IL17RB: variants seen among roughly 807,000 people sequenced by gnomAD.
The protein encoded by IL17RB is interleukin-17 receptor B.
Under a neutral mutation model 43.9 loss-of-function variants are expected in IL17RB, and 36 were observed. That is an observed-to-expected ratio of 0.82 (90% CI 0.63 to 1.08). IL17RB has a LOEUF of 1.08. Among genes scored for constraint, IL17RB ranks in the 50% least tolerant of loss-of-function variants. IL17RB has a pLI of 0.00. For missense variants in IL17RB, 613 were observed against 613.6 expected (o/e 1.00, Z 0.01); for synonymous variants, 225 against 225.4 (o/e 1.00, Z 0.02).
Position 53,855,299 on chromosome 3 carries a change from C to G in IL17RB, c.487C>G (p.Leu163Val). 1 of 1,606,370 alleles carries G rather than the reference C, an allele frequency of 6.2e-7. No individual in the cohort carries two copies. The highest frequency in any genetic ancestry group is 8.5e-7 in the Non-Finnish European group (1 of 1,174,370). Residue 163 changes from leucine to valine, a missense_variant, in exon 6 of 11, where the codon CTA becomes GTA. By Grantham distance (32) the Leu-to-Val change is conservative. Transcript: ENST00000288167. Reference protein sequence around the residue: ...MSVNFTSPGCLDHIMKYKKKC... With the variant: ...MSVNFTSPGCVDHIMKYKKKC... ...ACTTTCATTCAAATTTCCAGGCTGCCTAGACCACATAATGAAATATAAAAA... is the reference window on the plus strand; with the variant it reads ...ACTTTCATTCAAATTTCCAGGCTGCGTAGACCACATAATGAAATATAAAAA...
rs778571422 is a variant in IL17RB at position 53,860,170 on chromosome 3, G to C, written c.888G>C (p.Leu296=). Residue 296 remains leucine, a synonymous_variant, in exon 10 of 11, where the codon CTG becomes CTC. Transcript: ENST00000288167. ...KPGGWLPLLL[L]SLLVATWVLV... ...GAGGCTGGCTGCCTCTCCTCCTGCT[G>C]TCTCTGCTGGTGGCCACATGGGTGC... is the stretch of plus-strand genomic sequence containing the variant. The C allele has an allele frequency of 6.2e-7, 1 of 1,614,144 alleles. No homozygotes were observed. The highest frequency in any genetic ancestry group is 1.7e-5 in the Admixed American group (1 of 60,036).
At chr3:53,855,221 T>C in intron 5 of IL17RB, 73 bp from the exon 6 acceptor site, 2 of 924,292 alleles carry the variant, frequency 2.2e-6, no homozygotes, top group Non-Finnish European at 3.5e-6. Flanking sequence ...CGTATGTGTG[T>C]GTGCACTTGG....
chr3:53,865,253 A>G lies in IL17RB; in HGVS notation c.1454A>G (p.Gln485Arg). Residue 485 changes from glutamine (Q) to arginine (R), a missense_variant, in exon 11 of 11, where the codon CAG (glutamine) becomes CGG (arginine). Coordinates refer to ENST00000288167, the MANE Select transcript of IL17RB (RefSeq NM_018725.4). ...GCAGAACTTCTCCATGTCAAGCAGC[A>G]GGTGTCAGCAGGAAAAAGATCACAA... Reference protein sequence around the residue: ...FCAELLHVKQQVSAGKRSQAC... With the variant: ...FCAELLHVKQRVSAGKRSQAC... 1 of 1,612,006 alleles carries G rather than the reference A, an allele frequency of 6.2e-7. No individual in the cohort carries two copies. The highest frequency in any genetic ancestry group is 1.3e-5 in the African/African-American group (1 of 75,040).
chr3:53,852,815 A>T, intron 4 of IL17RB, 56 bp from the exon 5 acceptor site: 22 of 1,569,904 alleles, frequency 1.4e-5, no homozygotes, highest in Non-Finnish European at 8.7e-7. Flanking sequence ...ACTAAGGTAT[A>T]CTGTTTCTGT....
intron 4 of IL17RB, 48 bp from the exon 5 acceptor site, chr3:53,852,823 T>A (rs1699198907): frequency 1.9e-6 from 3 of 1,593,848 alleles, no homozygotes; most frequent in African/African-American, 2.7e-5. Flanking sequence ...ATACTGTTTC[T>A]GTACTGCAGT....
intron 5 of IL17RB, 123 bp from the exon 6 acceptor site, chr3:53,855,171 C>A: frequency 3.1e-4 from 100 of 318,994 alleles, no homozygotes; most frequent in East Asian, 4.7e-4. Context: ...TGCCATCTTA[C>A]ATCTGGAATG....
chr3:53,864,835 C>G lies in IL17RB; in HGVS notation c.1036C>G (p.His346Asp), dbSNP rs143902339. Residue 346 changes from histidine to aspartate, a missense_variant, in exon 11 of 11, where the codon CAC becomes GAC. Physicochemically the swap from His to Asp is moderately conservative, Grantham distance 81. Transcript: ENST00000288167. The part of the protein sequence containing the change: ...VVYPSEICFH[H>D]TICYFTEFLQ... ...TTACCCATCTGAAATATGTTTCCAT[C>G]ACACAATTTGTTACTTCACTGAATT... is the stretch of plus-strand genomic sequence containing the variant. 3 of 1,614,002 alleles carry G rather than the reference C, an allele frequency of 1.9e-6. No individual in the cohort carries two copies. The highest frequency in any genetic ancestry group is 2.5e-6 in the Non-Finnish European group (3 of 1,179,952).
chr3:53,858,431 A>G (rs1349651658), intron 8 of IL17RB: 1 of 1,168,626 alleles, frequency 8.6e-7, no homozygotes. Context: ...ATGTTTGTCT[A>G]CGTGGTAAGA....
At chr3:53,852,221 G>A (rs538471064) in intron 4 of IL17RB, 95 bp downstream of exon 4, 109 of 1,113,512 alleles carry the variant, frequency 9.8e-5, no homozygotes, top group South Asian at 2.2e-4. Context: ...GGCTCACTGC[G>A]ACCTCAATCT....
At position 53,860,185 on chromosome 3, in the gene IL17RB, C is replaced by T. The variant is rs1428756625; in HGVS notation, c.903C>T (p.Ala301=). 3 of 1,613,986 alleles carry T rather than the reference C, an allele frequency of 1.9e-6. No homozygotes were observed. Among genetic ancestry groups the T allele is most frequent in the South Asian group, 2.2e-5 (2 of 91,078 alleles). ...LPLLLLSLLV[A]TWVLVAGIYL... ...TCCTCCTGCTGTCTCTGCTGGTGGC[C>T]ACATGGGTGCTGGTGGCAGGGATCT... Residue 301 remains alanine, a synonymous_variant, in exon 10 of 11, where the codon GCC becomes GCT. Coordinates refer to ENST00000288167, the MANE Select transcript of IL17RB (RefSeq NM_018725.4).
intron 3 of IL17RB, 132 bp from the exon 4 acceptor site, chr3:53,851,867 G>A (rs1029809984): frequency 5.2e-5 from 53 of 1,022,542 alleles, no homozygotes; most frequent in Middle Eastern, 3.0e-4. Context: ...GGAGACAGTG[G>A]TGCCTACCTT....
At position 53,863,821 on chromosome 3, in the gene IL17RB, A is replaced by ATT. The variant is rs11318618; in HGVS notation, c.947-907_947-906dup. The stretch of plus-strand genomic sequence containing the variant: ...AGGTTACAATCACACACCTCAAAGT[A>ATT]TTTTTTTTTTTTTTTTTTTGAGACA... On this transcript the variant is annotated intron_variant, in intron 10 of 10. Transcript: ENST00000288167. Among the ~76,000 whole-genome samples the ATT allele has an allele frequency of 1.9e-3, 260 of 138,320 alleles. 4 individuals are homozygous for ATT. The East Asian group carries it at 0.027, about 14-fold the overall frequency. 90.7% of individuals were successfully genotyped at this position (138,320 alleles called of 152,430 possible).
In IL17RB at chr3:53,865,497, TACA is replaced by T. The variant is rs1699755332; in HGVS notation, c.*192_*194del. 1 of 544,634 alleles carries T rather than the reference TACA, an allele frequency of 1.8e-6. No homozygotes were observed. Among genetic ancestry groups the T allele is most frequent in the East Asian group, 2.9e-5 (1 of 34,420 alleles). 33.7% of individuals were successfully genotyped at this position (544,634 alleles called of 1,614,324 possible). A position where few individuals can be genotyped will look rare whatever the true frequency, so the allele number is the denominator to read the frequency against. ...TTAACTAACGATTGGAAACTACATT[TACA>T]ACTTCAAAGCTGTTTTATACATAGA... On this transcript the variant is annotated 3_prime_UTR_variant, in exon 11 of 11. Coordinates refer to ENST00000288167, the MANE Select transcript of IL17RB (RefSeq NM_018725.4).
rs375926800 is a variant in IL17RB at position 53,855,379 on chromosome 3, A to C, written c.529+38A>C. ...GGCATTTGCTTTTATTATTTGAAGA[A>C]ACTTGTAACTTGAGGCAGCATAGCT... On this transcript the variant is annotated intron_variant, in intron 6 of 10. Transcript: ENST00000288167. The C allele has an allele frequency of 2.5e-5, 35 of 1,398,820 alleles. No individual in the cohort carries two copies. The African/African-American group carries it at 4.4e-4, about 18-fold the overall frequency. The allele number at this position is 1,398,820 out of a possible 1,614,324, so 86.7% of individuals were successfully genotyped here. A position where few individuals can be genotyped will look rare whatever the true frequency, so the allele number is the denominator to read the frequency against.
At chr3:53,857,895 T>G (rs1699404696) in intron 8 of IL17RB, 4 of 572,844 alleles carry the variant, frequency 7.0e-6, no homozygotes, top group Non-Finnish European at 1.3e-5. Flanking sequence ...CCCTTTTGCT[T>G]GTATTAATGG....
rs549651743 is a variant in IL17RB at position 53,857,949 on chromosome 3, A to G, written c.747+259A>G. ...ACTTTTTATTTTCATTTTCTGTCAC[A>G]GACACTCAGGGATAGCAGTACCATT... On this transcript the variant is annotated intron_variant, in intron 8 of 10. Transcript: ENST00000288167. 728 of 474,318 alleles carry G rather than the reference A, an allele frequency of 1.5e-3. 6 individuals are homozygous for G. The highest frequency in any genetic ancestry group is 2.2e-3 in the East Asian group (59 of 26,878). 29.4% of individuals were successfully genotyped at this position (474,318 alleles called of 1,614,324 possible).
intron 7 of IL17RB, 101 bp downstream of exon 7, chr3:53,857,087 A>G (rs1699364719): frequency 1.6e-6 from 2 of 1,257,860 alleles, no homozygotes; most frequent in East Asian, 4.6e-5. Flanking sequence ...GGCTACTTTG[A>G]TGAATTCAAC....
intron 3 of IL17RB, among the ~76,000 whole-genome samples, chr3:53,851,445 T>C (rs1699143096): frequency 6.6e-6 from 1 of 152,218 alleles, no homozygotes; most frequent in African/African-American, 2.4e-5. Context: ...GGCCCTTACC[T>C]GGCACAGAGT....
intron 6 of IL17RB, 54 bp downstream of exon 6, chr3:53,855,395 C>A: frequency 8.2e-7 from 1 of 1,213,434 alleles, no homozygotes; most frequent in Non-Finnish European, 1.2e-6. Flanking sequence ...TAACTTGAGG[C>A]AGCATAGCTC....
Sources: allele counts gnomAD v4.1 joint callset (sites outside exome capture counted in the v4.1 genomes callset), GRCh38; gene constraint gnomAD v4.1.1; transcripts MANE v1.5; gene names NCBI Gene and HGNC (gene_info 2026-07-23, HGNC 2026-07-21).